EEFSEC: variants seen among roughly 807,000 people sequenced by gnomAD.
The protein encoded by EEFSEC is eukaryotic elongation factor, selenocysteine-tRNA specific.
EEFSEC carries 43 observed loss-of-function variants against 42.1 expected under a neutral mutation model. The observed-to-expected ratio is 1.02, with a 90% CI of 0.80 to 1.32. EEFSEC has a LOEUF of 1.32. Ranked by LOEUF, EEFSEC falls within the 40% of genes most tolerant of loss-of-function variation. EEFSEC has a pLI of 0.00. For missense variants in EEFSEC, 745 were observed against 803.6 expected, an observed-to-expected ratio of 0.93 and a Z score of 0.88; for synonymous variants, 354 against 339.1, an observed-to-expected ratio of 1.04 and a Z score of -0.48.
At chr3:128,181,239 C>T (rs1381439811) in intron 1 of EEFSEC, among the ~76,000 whole-genome samples, 2 of 152,212 alleles carry the variant, frequency 1.3e-5, no homozygotes, top group Admixed American at 1.3e-4. Context: ...CTTTCTATTT[C>T]AGATGAAGGA....
intron 1 of EEFSEC, among the ~76,000 whole-genome samples, chr3:128,160,794 A>G (rs57552752): frequency 0.015 from 2,197 of 151,346 alleles, 49 homozygotes; most frequent in African/African-American, 0.048. Context: ...CTGTGTGCGC[A>G]CACACACGCG....
chr3:128,202,070 G>A lies in EEFSEC; in HGVS notation c.317-44766G>A, dbSNP rs367830182. On this transcript the variant is annotated intron_variant, in intron 1 of 6. Coordinates refer to ENST00000254730, the MANE Select transcript of EEFSEC (RefSeq NM_021937.5). Reference sequence around the variant, plus strand: ...GTTTGTCTGTCTTCACACCAATATCGCACTGTCTTTATTAGTAGCTTTATA... The same window carrying A: ...GTTTGTCTGTCTTCACACCAATATCACACTGTCTTTATTAGTAGCTTTATA... Among the ~76,000 whole-genome samples, 7 of 152,206 alleles carry A rather than the reference G, an allele frequency of 4.6e-5. No individual in the cohort carries two copies. In the East Asian group the frequency reaches 9.6e-4, roughly 21 times the overall value.
intron 1 of EEFSEC, among the ~76,000 whole-genome samples, chr3:128,163,110 C>A (rs1242798575): frequency 6.6e-6 from 1 of 152,078 alleles, no homozygotes; most frequent in African/African-American, 2.4e-5. Flanking sequence ...GATACTCTTA[C>A]CTTAAGAGCT....
chr3:128,283,578 G>A (rs911317150), intron 4 of EEFSEC, among the ~76,000 whole-genome samples: 1 of 152,144 alleles, frequency 6.6e-6, no homozygotes, highest in African/African-American at 2.4e-5. Context: ...CAGCAATGCT[G>A]CACAAGTGCT....
chr3:128,350,711 C>G (rs2067374914), intron 5 of EEFSEC, among the ~76,000 whole-genome samples: 1 of 152,182 alleles, frequency 6.6e-6, no homozygotes, highest in African/African-American at 2.4e-5. Flanking sequence ...CTGGAAAGAG[C>G]CAGTTCTGGA....
the EEFSEC span, among the ~76,000 whole-genome samples, chr3:128,422,809 C>G: frequency 2.6e-5 from 4 of 152,226 alleles, no homozygotes; most frequent in Non-Finnish European, 5.9e-5. Flanking sequence ...CAGGGACAGC[C>G]AGCCCAGGCT....
At chr3:128,370,662 GCT>G (rs1208430815) in intron 6 of EEFSEC, among the ~76,000 whole-genome samples, 2 of 152,206 alleles carry the variant, frequency 1.3e-5, no homozygotes, top group African/African-American at 2.4e-5. Flanking sequence ...CCCCAGCCCA[GCT>G]CTGTTTCAGC....
intron 4 of EEFSEC, among the ~76,000 whole-genome samples, chr3:128,276,289 C>T (rs773073870): frequency 4.6e-4 from 70 of 152,290 alleles, no homozygotes; most frequent in Non-Finnish European, 6.5e-4. Flanking sequence ...TGGTCCACCC[C>T]GGGTCCCTGA....
intron 1 of EEFSEC, among the ~76,000 whole-genome samples, chr3:128,187,377 C>CT (rs1194172387): frequency 6.6e-6 from 1 of 152,164 alleles, no homozygotes; most frequent in Admixed American, 6.5e-5. Flanking sequence ...AGAGAGAAGG[C>CT]TGGGAGCTGT....
intron 4 of EEFSEC, among the ~76,000 whole-genome samples, chr3:128,334,236 T>C (rs962160786): frequency 2.0e-5 from 3 of 152,234 alleles, no homozygotes; most frequent in African/African-American, 7.2e-5. Flanking sequence ...ACTTGCCCAT[T>C]GGCATTGATG....
At chr3:128,416,520 G>A in the EEFSEC span, among the ~76,000 whole-genome samples, 6,096 of 152,226 alleles carry the variant, frequency 0.04, 414 homozygotes, top group African/African-American at 0.14. Context: ...TCTTCCAGGT[G>A]CAGCAGCTTG....
chr3:128,294,013 G>C (rs1210321623), intron 4 of EEFSEC, among the ~76,000 whole-genome samples: 2 of 152,360 alleles, frequency 1.3e-5, no homozygotes, highest in Non-Finnish European at 2.9e-5. Flanking sequence ...AGAGGCACTT[G>C]TTCTATTCTT....
intron 1 of EEFSEC, among the ~76,000 whole-genome samples, chr3:128,206,952 C>T (rs896131036): frequency 6.6e-6 from 1 of 152,182 alleles, no homozygotes; most frequent in East Asian, 1.9e-4. Context: ...AACACAGGCT[C>T]ACTCTCCAGA....
At chr3:128,303,051 C>T (rs982701171) in intron 4 of EEFSEC, among the ~76,000 whole-genome samples, 3 of 152,074 alleles carry the variant, frequency 2.0e-5, no homozygotes, top group Non-Finnish European at 1.5e-5. Flanking sequence ...ATGAGTATAT[C>T]CATGGGTAAA....
chr3:128,236,689 C>A (rs138512801), intron 1 of EEFSEC, among the ~76,000 whole-genome samples: 17 of 152,222 alleles, frequency 1.1e-4, no homozygotes, highest in African/African-American at 3.6e-4. Flanking sequence ...CTTCCTCAAA[C>A]GCATGTGGAG....
At chr3:128,367,874 C>T in intron 6 of EEFSEC, 1 of 980,830 alleles carries the variant, frequency 1.0e-6, no homozygotes, top group Non-Finnish European at 1.2e-6. Flanking sequence ...CGCGTGCTGA[C>T]TCCAGCTCAG....
At chr3:128,418,823 G>T in the EEFSEC span, among the ~76,000 whole-genome samples, 1 of 152,170 alleles carries the variant, frequency 6.6e-6, no homozygotes, top group Admixed American at 6.5e-5. Flanking sequence ...GCACTGAGTT[G>T]GGGTTGGTCA....
intron 4 of EEFSEC, among the ~76,000 whole-genome samples, chr3:128,340,273 A>G (rs1389928357): frequency 6.6e-6 from 1 of 151,972 alleles, no homozygotes; most frequent in African/African-American, 2.4e-5. Context: ...CGAGACCTTT[A>G]CCCCACCCAG....
intron 4 of EEFSEC, among the ~76,000 whole-genome samples, chr3:128,296,040 G>A (rs753616202): frequency 3.3e-5 from 5 of 152,044 alleles, no homozygotes; most frequent in Non-Finnish European, 7.4e-5. Flanking sequence ...GAAATCACCC[G>A]CTCATCCCAG....
Sources: gnomAD v4.1 joint callset for allele counts (sites outside exome capture counted in the v4.1 genomes callset) on GRCh38, gnomAD v4.1.1 for gene constraint, MANE v1.5 for transcripts, NCBI Gene and HGNC (gene_info 2026-07-23, HGNC 2026-07-21) for gene names.